USP4: variants seen among roughly 807,000 people sequenced by gnomAD.
USP4 encodes ubiquitin specific peptidase 4, also known as ubiquitin carboxyl-terminal hydrolase 4.
A neutral mutation model predicts 118.2 loss-of-function variants in USP4; 72 were observed. The observed-to-expected ratio is 0.61, with a 90% CI of 0.50 to 0.74. USP4 has a LOEUF of 0.74. Ranked by LOEUF, USP4 falls within the 30% of genes least tolerant of loss-of-function variation. USP4 has a pLI of 0.00. For missense variants in USP4, 1,037 were observed against 1,185.7 expected (o/e 0.87, Z 1.84); for synonymous variants, 415 against 440.4 (o/e 0.94, Z 0.72).
intron 13 of USP4, among the ~76,000 whole-genome samples, chr3:49,295,434 TC>T (rs1340631900): frequency 6.6e-6 from 1 of 151,790 alleles, no homozygotes; most frequent in Admixed American, 6.6e-5. Context: ...GTAATTGTCA[TC>T]TTTGTTCAAA....
chr3:49,325,372 A>G (rs1240180575), intron 4 of USP4, among the ~76,000 whole-genome samples: 1 of 150,974 alleles, frequency 6.6e-6, no homozygotes, highest in Non-Finnish European at 1.5e-5. Context: ...TTTTTTTTTT[A>G]AGAGACAGGA....
chr3:49,318,134 C>T (rs1003617964), intron 6 of USP4, among the ~76,000 whole-genome samples: 3 of 152,134 alleles, frequency 2.0e-5, no homozygotes, highest in Admixed American at 1.3e-4. Flanking sequence ...CCGTGCCTGA[C>T]CTAATTTTAT....
intron 19 of USP4, among the ~76,000 whole-genome samples, chr3:49,283,268 C>T (rs912188890): frequency 2.6e-5 from 4 of 151,970 alleles, no homozygotes; most frequent in Admixed American, 6.6e-5. Context: ...CCCACCTTGG[C>T]CTCCCAAAGT....
At chr3:49,284,174 C>T (rs1348379063) in intron 18 of USP4, 38 bp from the exon 19 acceptor site, 1 of 1,612,966 alleles carries the variant, frequency 6.2e-7, no homozygotes, top group South Asian at 1.1e-5. Context: ...GGCAAGCCGG[C>T]AGCCAGTGCC....
intron 19 of USP4, among the ~76,000 whole-genome samples, chr3:49,283,216 A>T (rs148565411): frequency 1.5e-3 from 227 of 148,908 alleles, no homozygotes; most frequent in Admixed American, 3.5e-3. Context: ...GGGTTTCACC[A>T]TGTTGGCCAG....
chr3:49,291,615 A>C (rs1295734407), intron 15 of USP4, among the ~76,000 whole-genome samples: 2 of 151,688 alleles, frequency 1.3e-5, no homozygotes, highest in Non-Finnish European at 2.9e-5. Flanking sequence ...GAAAAGAAAA[A>C]ATTTACAGCA....
At chr3:49,326,683 C>CCATGCACGG (rs1329426320) in intron 3 of USP4, among the ~76,000 whole-genome samples, 1 of 149,614 alleles carries the variant, frequency 6.7e-6, no homozygotes, top group Non-Finnish European at 1.5e-5. Flanking sequence ...GCGTGAGCCA[C>CCATGCACGG]CATGCACGGC....
At chr3:49,330,527 T>G (rs1172299682) in intron 2 of USP4, among the ~76,000 whole-genome samples, 1 of 151,578 alleles carries the variant, frequency 6.6e-6, no homozygotes, top group Non-Finnish European at 1.5e-5. Context: ...GAGACAGGGT[T>G]TCACCATGTT....
chr3:49,326,227 G>A (rs1466058928), intron 3 of USP4, among the ~76,000 whole-genome samples: 4 of 151,984 alleles, frequency 2.6e-5, no homozygotes, highest in Non-Finnish European at 4.4e-5. Context: ...TGAGACAGGG[G>A]AATCGCTTGA....
intron 6 of USP4, among the ~76,000 whole-genome samples, chr3:49,315,360 C>CT (rs1042983032): frequency 4.6e-5 from 7 of 152,250 alleles, no homozygotes; most frequent in African/African-American, 1.4e-4. Context: ...AAAAAATACT[C>CT]TATCTTTGAC....
rs994012208 is a variant in USP4, at chr3:49,284,329, A to G, written c.2390+137T>C. ...TTTCCTTGGAAACCTCAACTCACAG[A>G]GGATTATGTTGTAGGGTTAGCTATA... On this transcript the variant is annotated intron_variant, in intron 18 of 21. Coordinates refer to ENST00000265560, the MANE Select transcript of USP4 (RefSeq NM_003363.4). 1.7e-5 allele frequency: 18 copies of G among 1,036,032 alleles called. 1 individual carries two copies. The South Asian group carries it at 2.7e-4, about 16-fold the overall frequency. 64.2% of individuals were successfully genotyped at this position (1,036,032 alleles called of 1,614,324 possible). A position where few individuals can be genotyped will look rare whatever the true frequency, so the allele number is the denominator to read the frequency against.
chr3:49,280,648 T>C (rs1469875568), intron 20 of USP4, 96 bp downstream of exon 20: 1 of 909,358 alleles, frequency 1.1e-6, no homozygotes. Flanking sequence ...TGAAACTGCA[T>C]AAGCAAAGCA....
At chr3:49,328,174 A>G (rs1030891514) in intron 2 of USP4, among the ~76,000 whole-genome samples, 1 of 152,074 alleles carries the variant, frequency 6.6e-6, no homozygotes, top group African/African-American at 2.4e-5. Flanking sequence ...CCTGGCCAAC[A>G]TGGTGAAACC....
rs2047660433 is a variant in USP4, at chr3:49,335,557, C to A, written c.141G>T (p.Lys47Asn). Reference protein sequence around the residue: ...IDSRWFKQWKKYVGFDSWDMY... With the variant: ...IDSRWFKQWKNYVGFDSWDMY... ...TGTCCCAGCTGTCAAAGCCCACATACTTCTTCCACTGCTTGAACCACCGGC... is the reference window on the plus strand; with the variant it reads ...TGTCCCAGCTGTCAAAGCCCACATAATTCTTCCACTGCTTGAACCACCGGC... The change falls in exon 2 of 22, where the codon AAG becomes AAT. Residue 47 changes from lysine (K) to asparagine (N), a missense_variant. Lys to Asn is a moderately conservative substitution (Grantham distance 94). Coordinates refer to ENST00000265560, the MANE Select transcript of USP4 (RefSeq NM_003363.4). The A allele has an allele frequency of 6.2e-7, 1 of 1,614,192 alleles. No individual in the cohort carries two copies. The highest frequency in any genetic ancestry group is 1.1e-5 in the South Asian group (1 of 91,090).
chr3:49,295,100 T>C (rs755011435), intron 13 of USP4, among the ~76,000 whole-genome samples: 8 of 151,982 alleles, frequency 5.3e-5, no homozygotes, highest in South Asian at 2.1e-4. Context: ...CCATCCTGGC[T>C]AACACGGTGA....
intron 3 of USP4, among the ~76,000 whole-genome samples, chr3:49,326,173 C>T (rs7650712): frequency 2.0e-5 from 3 of 151,918 alleles, no homozygotes; most frequent in Non-Finnish European, 4.4e-5. Context: ...AAAAATTAGC[C>T]GGGCATGGTG....
At chr3:49,284,288 A>C (rs1344619704) in intron 18 of USP4, 152 bp from the exon 19 acceptor site, 1 of 1,215,204 alleles carries the variant, frequency 8.2e-7, no homozygotes, top group East Asian at 2.3e-5. Context: ...CCTGTCTTCC[A>C]AAATGGGGTG....
intron 2 of USP4, among the ~76,000 whole-genome samples, chr3:49,333,205 A>G (rs1223054716): frequency 6.8e-6 from 1 of 146,936 alleles, no homozygotes; most frequent in Non-Finnish European, 1.5e-5. Context: ...AGTGGAGTGC[A>G]GTGGCGCAAT....
At chr3:49,327,964 A>T in intron 2 of USP4, 148 bp from the exon 3 acceptor site, 1 of 663,688 alleles carries the variant, frequency 1.5e-6, no homozygotes, top group Non-Finnish European at 2.5e-6. Context: ...TGGTCATTAT[A>T]CAGAGCAGAC....
Sources: allele counts gnomAD v4.1 joint callset (sites outside exome capture counted in the v4.1 genomes callset), GRCh38; gene constraint gnomAD v4.1.1; transcripts MANE v1.5; gene names NCBI Gene and HGNC (gene_info 2026-07-23, HGNC 2026-07-21).